TEX13D: variants seen among roughly 807,000 people sequenced by gnomAD.
TEX13D encodes the protein testis-expressed protein 13D.
For synonymous variants in TEX13D, 115 were observed against 104.5 expected, an observed-to-expected ratio of 1.10 and a Z score of -0.61; for missense variants, 261 against 265.8, an observed-to-expected ratio of 0.98 and a Z score of 0.12.
At position 124,335,016 on chromosome X, in the gene TEX13D, G is replaced by A. The variant is rs2147514978; in HGVS notation, c.2099G>A (p.Cys700Tyr). ...TCATGGCGTACGGCCTGCTATAAATGCAAGAAAGCCTGTGTGCCATTTGAG... is the reference window on the plus strand; with the variant it reads ...TCATGGCGTACGGCCTGCTATAAATACAAGAAAGCCTGTGTGCCATTTGAG... ...NFSWRTACYK[C>Y]KKACVPFESG... Residue 700 changes from cysteine (C) to tyrosine (Y), a missense_variant, in exon 1 of 1, where the codon TGC becomes TAC. Cys to Tyr is a radical substitution (Grantham distance 194, BLOSUM62 -2). Transcript: ENST00000632372. 2.1e-6 allele frequency: 2 copies of A among 938,536 alleles called. No homozygotes were observed. The highest frequency in any genetic ancestry group is 2.6e-6 in the Non-Finnish European group (2 of 756,339). 77.3% of individuals were successfully genotyped at this position (938,536 alleles called of 1,213,427 possible).
Position 124,334,935 on chromosome X carries a change from C to A in TEX13D, c.2018C>A (p.Ala673Asp), listed in dbSNP as rs1298844185. ...GGATCCCAGCAGCAGGAGAAGCCTGCCTCATTTCCAGTTCCAGTGAATTGG... is the reference window on the plus strand; with the variant it reads ...GGATCCCAGCAGCAGGAGAAGCCTGACTCATTTCCAGTTCCAGTGAATTGG... The part of the protein sequence containing the change: ...VSGSQQQEKP[A>D]SFPVPVNWKC... The change falls in exon 1 of 1, where the codon GCC becomes GAC. Residue 673 changes from alanine to aspartate, a missense_variant. Transcript: ENST00000632372. 3 of 937,646 alleles carry A rather than the reference C, an allele frequency of 3.2e-6. No individual in the cohort carries two copies. In the African/African-American group the frequency reaches 6.1e-5, roughly 19 times the overall value. 77.3% of individuals were successfully genotyped at this position (937,646 alleles called of 1,213,427 possible). A position where few individuals can be genotyped will look rare whatever the true frequency, so the allele number is the denominator to read the frequency against.
Position 124,336,545 on chromosome X carries a change from C to G in TEX13D, c.*1483C>G, listed in dbSNP as rs939755970. 1 of 112,232 alleles carries G rather than the reference C, an allele frequency of 8.9e-6. No individual in the cohort carries two copies. The allele number at this position is 112,232 out of a possible 1,213,427, so 9.2% of individuals were successfully genotyped here. On this transcript the variant is annotated 3_prime_UTR_variant, in exon 1 of 1. Coordinates refer to ENST00000632372, the MANE Select transcript of TEX13D (RefSeq NM_001355534.2). The stretch of plus-strand genomic sequence containing the variant: ...TGGATTTCAAGGACAGACAGACAGA[C>G]ATAAGGGCTGTGGGCTATGGATGGT...
Position 124,333,188 on chromosome X carries a change from C to A in TEX13D, c.271C>A (p.Arg91=), listed in dbSNP as rs747728676. ...RQREELLHHV[R]RLQRHAEERQ... ...GCGGGAGGAGCTGCTGCACCACGTT[C>A]GGCGGCTGCAAAGGCATGCGGAGGA... The change falls in exon 1 of 1, where the codon CGG becomes AGG. Residue 91 remains arginine, a synonymous_variant. Coordinates refer to ENST00000632372, the MANE Select transcript of TEX13D (RefSeq NM_001355534.2). The A allele has an allele frequency of 1.3e-5, 6 of 465,321 alleles. No individual in the cohort carries two copies. Among genetic ancestry groups the A allele is most frequent in the Non-Finnish European group, 2.3e-5 (6 of 265,151 alleles). The allele number at this position is 465,321 out of a possible 1,213,427, so 38.3% of individuals were successfully genotyped here.
In TEX13D at chrX:124,335,030, G is replaced by A. The variant is rs1471060325; in HGVS notation, c.2113G>A (p.Val705Met). The change falls in exon 1 of 1, where the codon GTG becomes ATG. Residue 705 changes from valine (V) to methionine (M), a missense_variant. Transcript: ENST00000632372. ...CTGCTATAAATGCAAGAAAGCCTGT[G>A]TGCCATTTGAGAGTGGAGGACAAAC... ...TACYKCKKACVPFESGGQTQ is the reference protein window; with the variant it reads ...TACYKCKKACMPFESGGQTQ 5.3e-5 allele frequency: 50 copies of A among 937,123 alleles called. No homozygotes were observed. The highest frequency in any genetic ancestry group is 6.3e-5 in the Non-Finnish European group (48 of 756,118). 77.2% of individuals were successfully genotyped at this position (937,123 alleles called of 1,213,427 possible). A position where few individuals can be genotyped will look rare whatever the true frequency, so the allele number is the denominator to read the frequency against.
Position 124,333,021 on chromosome X carries a change from A to G in TEX13D, c.104A>G (p.Tyr35Cys). ...VLMDGSGPAF[Y>C]VAFRSRPWNE... is the part of the protein sequence containing the mutation. ...ATGGACGGCAGCGGCCCAGCCTTTT[A>G]CGTGGCCTTCCGCTCGCGGCCGTGG... Residue 35 changes from tyrosine to cysteine, a missense_variant, in exon 1 of 1, where the codon TAC (tyrosine) becomes TGC (cysteine). By Grantham distance (194) the Tyr-to-Cys change is radical. Coordinates refer to ENST00000632372, the MANE Select transcript of TEX13D (RefSeq NM_001355534.2). 1 of 486,616 alleles carries G rather than the reference A, an allele frequency of 2.1e-6. No individual in the cohort carries two copies. The highest frequency in any genetic ancestry group is 2.9e-5 in the Admixed American group (1 of 34,202). 40.1% of individuals were successfully genotyped at this position (486,616 alleles called of 1,213,427 possible). A position where few individuals can be genotyped will look rare whatever the true frequency, so the allele number is the denominator to read the frequency against.
At position 124,336,631 on chromosome X, in the gene TEX13D, G is replaced by A. The variant is rs1034156463; in HGVS notation, c.*1569G>A. 6.3e-5 allele frequency: 7 copies of A among 111,752 alleles called. No individual in the cohort carries two copies. The highest frequency in any genetic ancestry group is 4.7e-4 in the Admixed American group (5 of 10,616). The allele number at this position is 111,752 out of a possible 1,213,427, so 9.2% of individuals were successfully genotyped here. A position where few individuals can be genotyped will look rare whatever the true frequency, so the allele number is the denominator to read the frequency against. ...AACTGGACAGGGGCGAGCACTCTTG[G>A]GAATGCCCCTGGACCCTTCCTCTTT... On this transcript the variant is annotated 3_prime_UTR_variant, in exon 1 of 1. Coordinates refer to ENST00000632372, the MANE Select transcript of TEX13D (RefSeq NM_001355534.2).
Position 124,336,577 on chromosome X carries a change from C to G in TEX13D, c.*1515C>G, listed in dbSNP as rs1418052361. ...GCTGTGGGCTATGGATGGTGTTTCT[C>G]TTGAGAGGACTAATTGGGTTAAAAA... On this transcript the variant is annotated 3_prime_UTR_variant, in exon 1 of 1. Transcript: ENST00000632372. The G allele has an allele frequency of 8.9e-6, 1 of 111,901 alleles. No individual in the cohort carries two copies. The highest frequency in any genetic ancestry group is 1.9e-5 in the Non-Finnish European group (1 of 53,187). 9.2% of individuals were successfully genotyped at this position (111,901 alleles called of 1,213,427 possible). A position where few individuals can be genotyped will look rare whatever the true frequency, so the allele number is the denominator to read the frequency against.
In TEX13D at chrX:124,336,117, C is replaced by T. The variant is rs1004124165; in HGVS notation, c.*1055C>T. The T allele has an allele frequency of 8.9e-6, 1 of 111,937 alleles. No homozygotes were observed. Among genetic ancestry groups the T allele is most frequent in the African/African-American group, 3.3e-5 (1 of 30,698 alleles). The allele number at this position is 111,937 out of a possible 1,213,427, so 9.2% of individuals were successfully genotyped here. On this transcript the variant is annotated 3_prime_UTR_variant, in exon 1 of 1. Coordinates refer to ENST00000632372, the MANE Select transcript of TEX13D (RefSeq NM_001355534.2). ...ATACAAATTAGATCAGGGGTATCTT[C>T]TTTGCCTTGCATGTAGTGTTGCCTT...
rs2059969173 is a variant in TEX13D, at chrX:124,334,367, C to T, written c.1450C>T (p.Gln484Ter). Residue 484 changes from glutamine (Q) to a stop codon, truncating the protein, a stop_gained, in exon 1 of 1, where the codon CAG becomes TAG. Transcript: ENST00000632372. LOFTEE classifies it low-confidence loss of function (END_TRUNC). ...CCAGGAAGGAAGCCCAGAGAGGGCC[C>T]AGGGGATGGCCACCCTGGTGTTTAG... Reference protein sequence around the residue: ...YSQEGSPERAQGMATLVFSRS... With the variant: ...YSQEGSPERA 2.3e-6 allele frequency: 1 copy of T among 428,329 alleles called. No individual in the cohort carries two copies. Among genetic ancestry groups the T allele is most frequent in the Admixed American group, 1.5e-4 (1 of 6,842 alleles). The allele number at this position is 428,329 out of a possible 1,213,427, so 35.3% of individuals were successfully genotyped here.
At position 124,332,762 on chromosome X, in the gene TEX13D, G is replaced by T; in HGVS notation, c.-156G>T. On this transcript the variant is annotated 5_prime_UTR_variant, in exon 1 of 1. In the 5' UTR this introduces an upstream ATG that the reference lacks. Coordinates refer to ENST00000632372, the MANE Select transcript of TEX13D (RefSeq NM_001355534.2). ...GAACCAGGGAGTGAGGGAGGAAGGA[G>T]GCCAAGGAGGAGGCCAGGACTGAGC... 3.4e-6 allele frequency: 1 copy of T among 294,913 alleles called. No individual in the cohort carries two copies. Among genetic ancestry groups the T allele is most frequent in the East Asian group, 4.9e-5 (1 of 20,552 alleles). The allele number at this position is 294,913 out of a possible 1,213,427, so 24.3% of individuals were successfully genotyped here. A position where few individuals can be genotyped will look rare whatever the true frequency, so the allele number is the denominator to read the frequency against.
rs2059968579 is a variant in TEX13D at position 124,334,239 on chromosome X, C to T, written c.1322C>T (p.Pro441Leu). ...RRCKPEGPKR[P>L]QWTVPLGDSR... The stretch of plus-strand genomic sequence containing the variant: ...TGCAAACCAGAAGGTCCAAAGAGGC[C>T]CCAGTGGACTGTCCCCCTGGGGGAC... Residue 441 changes from proline (P) to leucine (L), a missense_variant, in exon 1 of 1, where the codon CCC becomes CTC. By Grantham distance (98) the Pro-to-Leu change is moderately conservative. Coordinates refer to ENST00000632372, the MANE Select transcript of TEX13D (RefSeq NM_001355534.2). 5 of 927,649 alleles carry T rather than the reference C, an allele frequency of 5.4e-6. No individual in the cohort carries two copies. The East Asian group carries it at 1.7e-4, about 32-fold the overall frequency. 76.4% of individuals were successfully genotyped at this position (927,649 alleles called of 1,213,427 possible). A position where few individuals can be genotyped will look rare whatever the true frequency, so the allele number is the denominator to read the frequency against.
Position 124,334,909 on chromosome X carries a change from G to A in TEX13D, c.1992G>A (p.Ser664=), listed in dbSNP as rs1300827384. The stretch of plus-strand genomic sequence containing the variant: ...AGAAACCAAAAGTGAATAAAGTCTC[G>A]GGATCCCAGCAGCAGGAGAAGCCTG... ...KAKKPKVNKV[S]GSQQQEKPAS... Residue 664 remains serine (S), a synonymous_variant, in exon 1 of 1, where the codon TCG becomes TCA. Transcript: ENST00000632372. The A allele has an allele frequency of 4.3e-6, 4 of 937,750 alleles. No individual in the cohort carries two copies. Among genetic ancestry groups the A allele is most frequent in the South Asian group, 5.9e-5 (1 of 16,945 alleles). 77.3% of individuals were successfully genotyped at this position (937,750 alleles called of 1,213,427 possible).
In TEX13D at chrX:124,333,103, C is replaced by T. The variant is rs926148386; in HGVS notation, c.186C>T (p.Ala62=). The change falls in exon 1 of 1, where the codon GCC becomes GCT. Residue 62 remains alanine, a synonymous_variant. Transcript: ENST00000632372. ...TGGCCGACTCTCAGGTGCCGCGCGC[C>T]ATCAAGAGGGCCTGTACCTGGAGCG... ...AIVADSQVPR[A]IKRACTWSAL... is the part of the protein sequence containing the mutation. 2.2e-5 allele frequency: 10 copies of T among 450,915 alleles called. No individual in the cohort carries two copies. The highest frequency in any genetic ancestry group is 1.4e-4 in the Admixed American group (4 of 28,133). 37.2% of individuals were successfully genotyped at this position (450,915 alleles called of 1,213,427 possible).
chrX:124,334,044 G>T lies in TEX13D; in HGVS notation c.1127G>T (p.Gly376Val). Reference sequence around the variant, plus strand: ...AGAGAGAGACAAAATCAGAAAGAAGGTCCAAAGAGGGCCCGGAGGATGCAC... The same window carrying T: ...AGAGAGAGACAAAATCAGAAAGAAGTTCCAAAGAGGGCCCGGAGGATGCAC... ...GNRERQNQKE[G>V]PKRARRMHTL... The change falls in exon 1 of 1, where the codon GGT becomes GTT. Residue 376 changes from glycine (G) to valine (V), a missense_variant. Physicochemically the swap from Gly to Val is moderately radical, Grantham distance 109. Transcript: ENST00000632372. 21 of 936,614 alleles carry T rather than the reference G, an allele frequency of 2.2e-5. No individual in the cohort carries two copies. The highest frequency in any genetic ancestry group is 2.8e-5 in the Non-Finnish European group (21 of 755,673). 77.2% of individuals were successfully genotyped at this position (936,614 alleles called of 1,213,427 possible).
Position 124,335,742 on chromosome X carries a change from C to T in TEX13D, c.*680C>T, listed in dbSNP as rs1480511916. 1 of 111,996 alleles carries T rather than the reference C, an allele frequency of 8.9e-6. No individual in the cohort carries two copies. The highest frequency in any genetic ancestry group is 3.2e-5 in the African/African-American group (1 of 30,772). 9.2% of individuals were successfully genotyped at this position (111,996 alleles called of 1,213,427 possible). ...GAACCTGTTCCATTAGAAGATCTTC[C>T]AAAGCCAAAAGAAAGTGAGACTGAC... On this transcript the variant is annotated 3_prime_UTR_variant, in exon 1 of 1. Transcript: ENST00000632372.
chrX:124,333,173 C>G lies in TEX13D; in HGVS notation c.256C>G (p.Leu86Val). ...AGTGGCCACGAGGCAGCGGGAGGAG[C>G]TGCTGCACCACGTTCGGCGGCTGCA... Reference protein sequence around the residue: ...VRVATRQREELLHHVRRLQRH... With the variant: ...VRVATRQREEVLHHVRRLQRH... Residue 86 changes from leucine (L) to valine (V), a missense_variant, in exon 1 of 1, where the codon CTG becomes GTG. Transcript: ENST00000632372. 2.2e-6 allele frequency: 1 copy of G among 462,959 alleles called. No individual in the cohort carries two copies. Among genetic ancestry groups the G allele is most frequent in the Non-Finnish European group, 3.8e-6 (1 of 263,301 alleles). The allele number at this position is 462,959 out of a possible 1,213,427, so 38.2% of individuals were successfully genotyped here.
Position 124,335,117 on chromosome X carries a change from G to T in TEX13D, c.*55G>T. The T allele has an allele frequency of 1.2e-6, 1 of 810,253 alleles. No homozygotes were observed. The highest frequency in any genetic ancestry group is 7.2e-5 in the South Asian group (1 of 13,836). The allele number at this position is 810,253 out of a possible 1,213,427, so 66.8% of individuals were successfully genotyped here. A position where few individuals can be genotyped will look rare whatever the true frequency, so the allele number is the denominator to read the frequency against. On this transcript the variant is annotated 3_prime_UTR_variant, in exon 1 of 1. Coordinates refer to ENST00000632372, the MANE Select transcript of TEX13D (RefSeq NM_001355534.2). ...CTTCAAAGAGAAAGCAATTTCCTAA[G>T]ACCCTCTTCTGATTAAAGTATAACT...
chrX:124,334,853 A>G lies in TEX13D; in HGVS notation c.1936A>G (p.Lys646Glu), dbSNP rs908118397. Residue 646 changes from lysine (K) to glutamate (E), a missense_variant, in exon 1 of 1, where the codon AAG becomes GAG. Physicochemically the swap from Lys to Glu is moderately conservative, Grantham distance 56. Transcript: ENST00000632372. ...SRSHGVRESP[K>E]KWQPQRQKAK... ...GAGCCATGGTGTCAGAGAAAGCCCA[A>G]AGAAATGGCAACCTCAGAGGCAGAA... 8 of 938,076 alleles carry G rather than the reference A, an allele frequency of 8.5e-6. No homozygotes were observed. The highest frequency in any genetic ancestry group is 1.2e-4 in the Admixed American group (2 of 17,324). The allele number at this position is 938,076 out of a possible 1,213,427, so 77.3% of individuals were successfully genotyped here.
In TEX13D at chrX:124,333,027, C is replaced by T. The variant is rs1214744963; in HGVS notation, c.110C>T (p.Ala37Val). 1 of 487,539 alleles carries T rather than the reference C, an allele frequency of 2.1e-6. No homozygotes were observed. The highest frequency in any genetic ancestry group is 3.8e-5 in the East Asian group (1 of 26,174). 40.2% of individuals were successfully genotyped at this position (487,539 alleles called of 1,213,427 possible). A position where few individuals can be genotyped will look rare whatever the true frequency, so the allele number is the denominator to read the frequency against. Residue 37 changes from alanine (A) to valine (V), a missense_variant, in exon 1 of 1, where the codon GCC becomes GTC. By Grantham distance (64) the Ala-to-Val change is moderately conservative. Transcript: ENST00000632372. ...GGCAGCGGCCCAGCCTTTTACGTGG[C>T]CTTCCGCTCGCGGCCGTGGAACGAG... ...MDGSGPAFYV[A>V]FRSRPWNEVE...
Sources: gnomAD v4.1 joint callset for allele counts on GRCh38, gnomAD v4.1.1 for gene constraint, MANE v1.5 for transcripts, NCBI Gene and HGNC (gene_info 2026-07-23, HGNC 2026-07-21) for gene names.